The following CCDC102B variants were observed in gnomAD, a reference collection of about 807,000 sequenced individuals.
CCDC102B encodes coiled-coil domain containing 102B, also known as coiled-coil domain-containing protein 102B.
CCDC102B carries 75 observed loss-of-function variants against 57.4 expected under a neutral mutation model. The ratio of observed to expected loss-of-function variants is 1.31; its 90% confidence interval spans 1.08 to 1.58. The LOEUF is 1.58. Ranked by LOEUF, CCDC102B falls within the 40% of genes most tolerant of loss-of-function variation. The pLI is 0.00. For synonymous variants in CCDC102B, 206 were observed against 201.9 expected (o/e 1.02, Z -0.17); for missense variants, 636 against 582.6 (o/e 1.09, Z -0.94).
chr18:68,781,888 C>T (rs1311012152), intron 2 of CCDC102B, among the ~76,000 whole-genome samples: 2 of 151,836 alleles, frequency 1.3e-5, no homozygotes, highest in East Asian at 3.9e-4. Flanking sequence ...TTTTTAAGAT[C>T]TAAGAGATAT....
intron 1 of CCDC102B, among the ~76,000 whole-genome samples, chr18:68,826,267 T>C (rs1278823232): frequency 1.3e-5 from 2 of 152,248 alleles, no homozygotes; most frequent in African/African-American, 4.8e-5. Flanking sequence ...TGCAGTGGAT[T>C]GAAGACACAA....
intron 6 of CCDC102B, among the ~76,000 whole-genome samples, chr18:68,975,504 T>C (rs972208724): frequency 6.6e-6 from 1 of 152,052 alleles, no homozygotes; most frequent in Non-Finnish European, 1.5e-5. Context: ...ATGATTGTTA[T>C]AGATGTAGTA....
At chr18:69,034,387 G>A (rs1458430650) in intron 7 of CCDC102B, among the ~76,000 whole-genome samples, 1 of 151,856 alleles carries the variant, frequency 6.6e-6, no homozygotes, top group Non-Finnish European at 1.5e-5. Flanking sequence ...TACCTTTGGG[G>A]AATGGTATAA....
chr18:68,756,786 C>T (rs140496657), intron 2 of CCDC102B, among the ~76,000 whole-genome samples: 1 of 152,172 alleles, frequency 6.6e-6, no homozygotes, highest in East Asian at 1.9e-4. Flanking sequence ...TGCAGACGTC[C>T]CCAGTATTTT....
Position 69,054,449 on chromosome 18 carries a change from A to T in CCDC102B, c.*312A>T. The T allele has an allele frequency of 3.9e-6, 4 of 1,031,006 alleles. No homozygotes were observed. The highest frequency in any genetic ancestry group is 4.7e-6 in the Non-Finnish European group (4 of 860,212). The allele number at this position is 1,031,006 out of a possible 1,614,324, so 63.9% of individuals were successfully genotyped here. On this transcript the variant is annotated 3_prime_UTR_variant, in exon 8 of 8. Transcript: ENST00000360242. ...CTGAAAGAGTTATAATATCGGTAAG[A>T]AAAAGTAAGTTGAAAACCATACAAG...
intron 6 of CCDC102B, among the ~76,000 whole-genome samples, chr18:68,935,392 G>C (rs933122242): frequency 2.6e-5 from 4 of 151,968 alleles, no homozygotes; most frequent in Admixed American, 2.0e-4. Context: ...TAATGATATA[G>C]AAATGAATGT....
At chr18:68,997,849 A>T (rs79872697) in intron 6 of CCDC102B, among the ~76,000 whole-genome samples, 2,337 of 151,534 alleles carry the variant, frequency 0.015, 34 homozygotes, top group Middle Eastern at 0.034. Flanking sequence ...TCATTTAATA[A>T]TATGTGTTTT....
intron 6 of CCDC102B, among the ~76,000 whole-genome samples, chr18:69,000,071 C>A (rs899578813): frequency 2.0e-5 from 3 of 151,990 alleles, no homozygotes; most frequent in African/African-American, 7.2e-5. Flanking sequence ...TGTCTATTAC[C>A]TATGTTTCTT....
intron 7 of CCDC102B, among the ~76,000 whole-genome samples, chr18:69,042,748 A>C (rs1480219008): frequency 6.6e-6 from 1 of 151,850 alleles, no homozygotes; most frequent in African/African-American, 2.4e-5. Context: ...TTCTGAAAAG[A>C]AATATGACAA....
At chr18:69,024,249 G>A (rs1280986475) in intron 7 of CCDC102B, among the ~76,000 whole-genome samples, 1 of 152,042 alleles carries the variant, frequency 6.6e-6, no homozygotes, top group Admixed American at 6.6e-5. Context: ...TGTCAGGCAA[G>A]TGATTTTGTT....
intron 7 of CCDC102B, among the ~76,000 whole-genome samples, chr18:69,049,500 G>A (rs149789895): frequency 9.7e-4 from 148 of 152,134 alleles, no homozygotes; most frequent in African/African-American, 3.4e-3. Context: ...AGCATATGTG[G>A]AAAATTCCCC....
chr18:68,957,470 G>A (rs147819658), intron 6 of CCDC102B, among the ~76,000 whole-genome samples: 144 of 150,866 alleles, frequency 9.5e-4, no homozygotes, highest in African/African-American at 3.4e-3. Context: ...CCATTGGTTT[G>A]TGAGTCTCTT....
intron 6 of CCDC102B, among the ~76,000 whole-genome samples, chr18:68,939,963 T>G (rs1276491005): frequency 1.3e-5 from 2 of 151,808 alleles, no homozygotes; most frequent in African/African-American, 2.4e-5. Context: ...ATCTGTTTAT[T>G]TGGTGATCAT....
intron 6 of CCDC102B, among the ~76,000 whole-genome samples, chr18:68,984,262 T>C (rs1020338817): frequency 6.6e-6 from 1 of 152,048 alleles, no homozygotes; most frequent in South Asian, 2.1e-4. Context: ...TCATAGCCCC[T>C]ACAGTTTCAA....
chr18:68,822,642 A>G (rs1238287534), intron 1 of CCDC102B, among the ~76,000 whole-genome samples: 2 of 152,116 alleles, frequency 1.3e-5, no homozygotes, highest in African/African-American at 4.8e-5. Flanking sequence ...CCCTCCTCCC[A>G]GTATTCCACA....
chr18:68,938,329 A>G (rs1225349797), intron 6 of CCDC102B, among the ~76,000 whole-genome samples: 1 of 152,070 alleles, frequency 6.6e-6, no homozygotes, highest in African/African-American at 2.4e-5. Context: ...AAAATTTTTA[A>G]ATTCCCTGAG....
intron 2 of CCDC102B, among the ~76,000 whole-genome samples, chr18:68,784,011 T>C (rs2035098627): frequency 6.6e-6 from 1 of 152,218 alleles, no homozygotes; most frequent in Non-Finnish European, 1.5e-5. Context: ...ATGACATTTT[T>C]CTGTTTCATT....
intron 4 of CCDC102B, among the ~76,000 whole-genome samples, chr18:68,853,672 TAAAAAAA>T (rs71175201): frequency 0.034 from 3,186 of 94,622 alleles, 158 homozygotes; most frequent in African/African-American, 0.094. Flanking sequence ...CCCCAAATTG[TAAAAAAA>T]AAAAAAAAAA....
At chr18:68,789,846 C>T (rs879356702) in intron 2 of CCDC102B, among the ~76,000 whole-genome samples, 8,549 of 150,174 alleles carry the variant, frequency 0.057, 473 homozygotes, top group African/African-American at 0.14. Context: ...AGTCATTCTC[C>T]GTCCAGCTTT....
Sources: allele counts gnomAD v4.1 joint callset (sites outside exome capture counted in the v4.1 genomes callset), GRCh38; gene constraint gnomAD v4.1.1; transcripts MANE v1.5; gene names NCBI Gene and HGNC (gene_info 2026-07-23, HGNC 2026-07-21).